The following C12orf56 variants were observed in gnomAD, a reference collection of about 807,000 sequenced individuals.
C12orf56 encodes the protein uncharacterized protein C12orf56.
A neutral mutation model predicts 69.9 loss-of-function variants in C12orf56; 71 were observed. That is an observed-to-expected ratio of 1.02 (90% CI 0.84 to 1.24). The LOEUF (loss-of-function observed/expected upper bound fraction) is 1.24. C12orf56 is among the 50% of genes most tolerant of loss of function. The pLI is 0.00. For missense variants in C12orf56, 732 were observed against 738.5 expected, an observed-to-expected ratio of 0.99 and a Z score of 0.10; for synonymous variants, 276 against 274.1, an observed-to-expected ratio of 1.01 and a Z score of -0.07.
chr12:64,365,249 C>A (rs558972820), intron 1 of C12orf56, among the ~76,000 whole-genome samples: 1 of 151,070 alleles, frequency 6.6e-6, no homozygotes, highest in South Asian at 2.1e-4. Flanking sequence ...ACTGCAACCT[C>A]CGCCTTCCGG....
chr12:64,363,627 C>A (rs75209514), intron 1 of C12orf56, among the ~76,000 whole-genome samples: 4,549 of 152,260 alleles, frequency 0.03, 116 homozygotes, highest in Non-Finnish European at 0.047. Flanking sequence ...GCCGTGCCAC[C>A]TATAGATGAT....
intron 1 of C12orf56, among the ~76,000 whole-genome samples, chr12:64,360,468 C>T (rs115351650): frequency 0.011 from 1,742 of 152,022 alleles, 41 homozygotes; most frequent in African/African-American, 0.038. Context: ...TTCCATTTAA[C>T]CCCAAAATGT....
intron 2 of C12orf56, among the ~76,000 whole-genome samples, chr12:64,336,724 C>G (rs2039001677): frequency 6.6e-6 from 1 of 152,160 alleles, no homozygotes; most frequent in Non-Finnish European, 1.5e-5. Flanking sequence ...AGCTCTGAGT[C>G]CAACTTGGAA....
intron 2 of C12orf56, among the ~76,000 whole-genome samples, chr12:64,351,507 G>A (rs949385506): frequency 2.0e-5 from 3 of 152,190 alleles, no homozygotes; most frequent in South Asian, 2.1e-4. Context: ...CATGGATAAA[G>A]GTCATGCTGA....
At chr12:64,352,419 T>G (rs1227629811) in intron 2 of C12orf56, 1 of 152,394 alleles carries the variant, frequency 6.6e-6, no homozygotes, top group Non-Finnish European at 1.5e-5. Context: ...TCATTCTTCG[T>G]TCTTACCCTT....
chr12:64,268,440 T>TGAAA (rs10623903), intron 12 of C12orf56, among the ~76,000 whole-genome samples: 106,693 of 151,746 alleles, frequency 0.7, 38,690 homozygotes, highest in Non-Finnish European at 0.8. Context: ...TTAAGCTCAG[T>TGAAA]GAAGTCAGAC....
In C12orf56 at chr12:64,344,555, G is replaced by C. The variant is rs146823225; in HGVS notation, c.415+8339C>G. The stretch of plus-strand genomic sequence containing the variant: ...TATGCCCACCTTGCCTTTGACAGTT[G>C]AGTGCTGCCACTTGGCCACTGCCAC... On this transcript the variant is annotated intron_variant, in intron 2 of 12. Coordinates refer to ENST00000543942, the MANE Select transcript of C12orf56 (RefSeq NM_001170633.2). Among the ~76,000 whole-genome samples, 3 of 152,254 alleles carry C rather than the reference G, an allele frequency of 2.0e-5. No individual in the cohort carries two copies. In the East Asian group the frequency reaches 5.8e-4, roughly 29 times the overall value.
At chr12:64,354,921 T>C (rs973290460) in intron 1 of C12orf56, among the ~76,000 whole-genome samples, 2 of 149,336 alleles carry the variant, frequency 1.3e-5, no homozygotes, top group Non-Finnish European at 3.0e-5. Flanking sequence ...TGTACTAAAA[T>C]ACAAAAATTA....
At chr12:64,361,476 G>T (rs1258284156) in intron 1 of C12orf56, among the ~76,000 whole-genome samples, 1 of 152,088 alleles carries the variant, frequency 6.6e-6, no homozygotes, top group African/African-American at 2.4e-5. Context: ...TTGCAGTAAA[G>T]AAGTCAGCTA....
intron 1 of C12orf56, among the ~76,000 whole-genome samples, chr12:64,380,104 C>CAAAAAAAAAAAAAAAAAAAAAA (rs60079906): frequency 1.6e-4 from 8 of 49,974 alleles, no homozygotes; most frequent in African/African-American, 3.4e-4. Flanking sequence ...GACTCCGTCG[C>CAAAAAAAAAAAAAAAAAAAAAA]AAAAAAAAAA....
intron 4 of C12orf56, among the ~76,000 whole-genome samples, chr12:64,313,506 C>T (rs191234650): frequency 1.5e-4 from 23 of 151,896 alleles, no homozygotes; most frequent in Non-Finnish European, 2.8e-4. Flanking sequence ...ATGATTGTGC[C>T]ACTACACTCC....
rs190649305 is a variant in C12orf56 at position 64,296,726 on chromosome 12, A to T, written c.1113+6909T>A. ...GTCCCCCAAAGTTCATGTTTTAGAA[A>T]CTAATCCCCAATGCAACAGTGTTGA... On this transcript the variant is annotated intron_variant, in intron 6 of 12. Coordinates refer to ENST00000543942, the MANE Select transcript of C12orf56 (RefSeq NM_001170633.2). Among the ~76,000 whole-genome samples the T allele has an allele frequency of 5.3e-5, 8 of 152,260 alleles. No individual in the cohort carries two copies. In the South Asian group the frequency reaches 1.7e-3, roughly 32 times the overall value.
intron 2 of C12orf56, among the ~76,000 whole-genome samples, chr12:64,350,240 T>C (rs2135948026): frequency 6.6e-6 from 1 of 152,234 alleles, no homozygotes; most frequent in Admixed American, 6.5e-5. Flanking sequence ...AAATTACCAC[T>C]AAAGAACTTA....
intron 2 of C12orf56, chr12:64,338,793 T>C (rs1565763517): frequency 1.6e-6 from 2 of 1,275,672 alleles, no homozygotes; most frequent in Non-Finnish European, 2.3e-6. Flanking sequence ...CTGAGAGCCA[T>C]GGTGAGAGCA....
intron 1 of C12orf56, chr12:64,355,880 C>T (rs1397084051): frequency 6.6e-6 from 1 of 152,130 alleles, no homozygotes; most frequent in African/African-American, 2.4e-5. Context: ...AATACATAAA[C>T]TTGCCTGGGC....
At chr12:64,326,606 G>A (rs552019493) in intron 3 of C12orf56, among the ~76,000 whole-genome samples, 35 of 152,078 alleles carry the variant, frequency 2.3e-4, no homozygotes, top group Non-Finnish European at 4.0e-4. Context: ...GTGTGGTGGC[G>A]GGTACCTGCA....
chr12:64,386,762 C>T (rs1039235429), intron 1 of C12orf56, among the ~76,000 whole-genome samples: 1 of 151,818 alleles, frequency 6.6e-6, no homozygotes. Context: ...AACTCCTGAC[C>T]TCAGGTGATC....
intron 1 of C12orf56, among the ~76,000 whole-genome samples, chr12:64,358,482 A>AATAATAATCATCATC (rs11275269): frequency 1.7e-4 from 21 of 125,948 alleles, no homozygotes; most frequent in East Asian, 1.3e-3. Context: ...TAATAATAAT[A>AATAATAATCATCATC]ATCATCATCA....
intron 6 of C12orf56, among the ~76,000 whole-genome samples, chr12:64,287,261 AAAGAAG>A (rs1170967895): frequency 2.2e-4 from 15 of 67,592 alleles, no homozygotes; most frequent in East Asian, 7.3e-4. Context: ...AAAAAAAAAA[AAAGAAG>A]AAGAAGAAGA....
Sources: allele counts gnomAD v4.1 joint callset (sites outside exome capture counted in the v4.1 genomes callset), GRCh38; gene constraint gnomAD v4.1.1; transcripts MANE v1.5; gene names NCBI Gene and HGNC (gene_info 2026-07-23, HGNC 2026-07-21).